CLCA2: variants seen among roughly 807,000 people sequenced by gnomAD.
The protein encoded by CLCA2 is calcium-activated chloride channel regulator 2.
Under a neutral mutation model 82.9 loss-of-function variants are expected in CLCA2, and 85 were observed. That is an observed-to-expected ratio of 1.03 (90% CI 0.86 to 1.23). CLCA2 has a LOEUF of 1.23. Among genes scored for constraint, CLCA2 ranks in the 50% most tolerant of loss-of-function variants. The probability of loss-of-function intolerance (pLI) is 0.00; values close to 1 mark genes in which losing one functional copy is unlikely to be tolerated. For synonymous variants in CLCA2, 421 were observed against 391.7 expected, an observed-to-expected ratio of 1.07 and a Z score of -0.88; for missense variants, 1,089 against 1,124.8, an observed-to-expected ratio of 0.97 and a Z score of 0.45.
rs1022832042 is a variant in CLCA2 at position 86,430,384 on chromosome 1, A to G, written c.476-478A>G. Among the ~76,000 whole-genome samples the G allele has an allele frequency of 3.3e-5, 5 of 152,278 alleles. No individual in the cohort carries two copies. The East Asian group carries it at 9.6e-4, about 29-fold the overall frequency. On this transcript the variant is annotated intron_variant, in intron 3 of 13. Coordinates refer to ENST00000370565, the MANE Select transcript of CLCA2 (RefSeq NM_006536.7). The stretch of plus-strand genomic sequence containing the variant: ...CCTCCTTCCCTAGCTCCTAGGTTTC[A>G]ACTATTGCTCTAGATAGAAGAATTA...
chr1:86,452,910 C>G (rs1663001600), intron 12 of CLCA2, among the ~76,000 whole-genome samples: 1 of 152,194 alleles, frequency 6.6e-6, no homozygotes, highest in Non-Finnish European at 1.5e-5. Context: ...CACAGTGGCT[C>G]ACTCCTGTAA....
chr1:86,434,117 G>A (rs1662553130), intron 5 of CLCA2, among the ~76,000 whole-genome samples: 1 of 152,094 alleles, frequency 6.6e-6, no homozygotes, highest in Non-Finnish European at 1.5e-5. Context: ...AGGTGCAGTG[G>A]TCATTAAATA....
chr1:86,431,418 A>G (rs1322057875), intron 4 of CLCA2, among the ~76,000 whole-genome samples: 1 of 152,212 alleles, frequency 6.6e-6, no homozygotes, highest in Non-Finnish European at 1.5e-5. Flanking sequence ...TGGTGGACAC[A>G]CAGGTTGTTT....
intron 9 of CLCA2, among the ~76,000 whole-genome samples, chr1:86,442,502 A>T (rs575645017): frequency 1.3e-4 from 20 of 152,316 alleles, no homozygotes; most frequent in African/African-American, 4.6e-4. Flanking sequence ...CATTAGCTCC[A>T]TTGGAGTGAG....
At chr1:86,454,800 CAAAACAAAAACA>C (rs1000386797) in intron 13 of CLCA2, among the ~76,000 whole-genome samples, 3 of 149,006 alleles carry the variant, frequency 2.0e-5, no homozygotes, top group South Asian at 4.2e-4. Context: ...TCAAACAAAA[CAAAACAAAAACA>C]AAAACAAAAA....
intron 10 of CLCA2, among the ~76,000 whole-genome samples, chr1:86,446,773 G>C (rs1662863364): frequency 6.6e-6 from 1 of 152,274 alleles, no homozygotes; most frequent in East Asian, 1.9e-4. Flanking sequence ...TCAGGGAAAA[G>C]CAATATATGT....
At chr1:86,434,496 T>G (rs1281258477) in intron 5 of CLCA2, 22 bp from the exon 6 acceptor site, 1 of 1,600,426 alleles carries the variant, frequency 6.2e-7, no homozygotes, top group East Asian at 2.2e-5. Flanking sequence ...CTCTCTTTAT[T>G]AAAGACTGTT....
chr1:86,426,541 G>C (rs999000532), intron 2 of CLCA2, among the ~76,000 whole-genome samples: 1 of 152,168 alleles, frequency 6.6e-6, no homozygotes. Context: ...ATGAAGATAG[G>C]ATAGGTGGGG....
chr1:86,440,055 C>A, intron 7 of CLCA2, 93 bp from the exon 8 acceptor site: 1 of 1,272,122 alleles, frequency 7.9e-7, no homozygotes, highest in Non-Finnish European at 1.1e-6. Context: ...GGTGTAGGAG[C>A]TACAGTGGGA....
At chr1:86,440,439 A>G in intron 8 of CLCA2, 114 bp downstream of exon 8, 1 of 988,242 alleles carries the variant, frequency 1.0e-6, no homozygotes, top group Non-Finnish European at 1.4e-6. Context: ...AATTGTTTTT[A>G]AAAAACGCAC....
chr1:86,446,981 A>G (rs1662866704), intron 10 of CLCA2, among the ~76,000 whole-genome samples: 1 of 152,116 alleles, frequency 6.6e-6, no homozygotes, highest in East Asian at 1.9e-4. Flanking sequence ...CTAGTAGTGT[A>G]TGTGTTTTTT....
Position 86,425,446 on chromosome 1 carries a change from C to A in CLCA2, c.294C>A (p.Asn98Lys). The A allele has an allele frequency of 1.3e-6, 2 of 1,550,312 alleles. No individual in the cohort carries two copies. The highest frequency in any genetic ancestry group is 1.7e-6 in the Non-Finnish European group (2 of 1,147,480). Reference protein sequence around the residue: ...LIPATWKANNNSKIKQESYEK... With the variant: ...LIPATWKANNKSKIKQESYEK... The stretch of plus-strand genomic sequence containing the variant: ...CTGCCACATGGAAAGCTAATAATAA[C>A]AGCAAAATAAAACAAGAATCATATG... The change falls in exon 2 of 14, where the codon AAC (asparagine) becomes AAA (lysine). Residue 98 changes from asparagine (N) to lysine (K), a missense_variant. Physicochemically the swap from Asn to Lys is moderately conservative, Grantham distance 94. Coordinates refer to ENST00000370565, the MANE Select transcript of CLCA2 (RefSeq NM_006536.7).
intron 2 of CLCA2, among the ~76,000 whole-genome samples, chr1:86,426,014 T>C (rs1169700458): frequency 6.6e-6 from 1 of 152,062 alleles, no homozygotes; most frequent in Non-Finnish European, 1.5e-5. Flanking sequence ...TGTGGGGATG[T>C]GGATGAGTAG....
intron 11 of CLCA2, chr1:86,448,029 C>T (rs534871601): frequency 7.3e-5 from 36 of 495,304 alleles, no homozygotes; most frequent in African/African-American, 6.7e-4. Context: ...CCGCTGGACA[C>T]CTTGGTCCTG....
intron 2 of CLCA2, among the ~76,000 whole-genome samples, chr1:86,427,680 C>T (rs369491271): frequency 3.3e-5 from 5 of 152,102 alleles, no homozygotes; most frequent in African/African-American, 1.2e-4. Flanking sequence ...GCATATTTAA[C>T]TTTTAAGTGC....
chr1:86,444,100 GA>G (rs1352738864), intron 10 of CLCA2, 89 bp downstream of exon 10: 1 of 853,256 alleles, frequency 1.2e-6, no homozygotes, highest in Admixed American at 2.4e-5. Context: ...ATTGTGTAAA[GA>G]AAATCTTGTT....
chr1:86,445,673 G>T (rs1358172172), intron 10 of CLCA2, among the ~76,000 whole-genome samples: 1 of 151,574 alleles, frequency 6.6e-6, no homozygotes, highest in African/African-American at 2.4e-5. Flanking sequence ...TTATTGGTCA[G>T]ATTTTGGACT....
chr1:86,451,817 G>C (rs2791521), intron 12 of CLCA2, among the ~76,000 whole-genome samples: 1 of 151,886 alleles, frequency 6.6e-6, no homozygotes, highest in African/African-American at 2.4e-5. Flanking sequence ...TACCCTCTTC[G>C]TAGCCTTGTT....
At position 86,436,550 on chromosome 1, in the gene CLCA2, G is replaced by A. The variant is rs147765620; in HGVS notation, c.972+1805G>A. On this transcript the variant is annotated intron_variant, in intron 6 of 13. Transcript: ENST00000370565. ...GTTTATTTTAATAGTACTTGTCCAA[G>A]GAGAGAATTTATCCCCTTGTGCTCT... Among the ~76,000 whole-genome samples, 624 of 152,300 alleles carry A rather than the reference G, an allele frequency of 4.1e-3. 3 individuals carry two copies. The highest frequency in any genetic ancestry group is 0.014 in the African/African-American group (597 of 41,570).
Sources: allele counts gnomAD v4.1 joint callset (sites outside exome capture counted in the v4.1 genomes callset), GRCh38; gene constraint gnomAD v4.1.1; transcripts MANE v1.5; gene names NCBI Gene and HGNC (gene_info 2026-07-23, HGNC 2026-07-21).